The following HNRNPA2B1 variants were observed in gnomAD, a reference collection of about 807,000 sequenced individuals.
HNRNPA2B1 encodes the protein heterogeneous nuclear ribonucleoproteins A2/B1.
In HNRNPA2B1, 3 loss-of-function variants were observed where a neutral mutation model predicts 46.3. The observed-to-expected ratio is 0.06, with a 90% CI of 0.03 to 0.17. The LOEUF is 0.17. HNRNPA2B1 is among the 10% of genes least tolerant of loss of function. The probability of loss-of-function intolerance (pLI) is 1.00; values close to 1 mark genes in which losing one functional copy is unlikely to be tolerated. For synonymous variants in HNRNPA2B1, 225 were observed against 133.8 expected, an observed-to-expected ratio of 1.68 and a Z score of -4.70; for missense variants, 221 against 418.9, an observed-to-expected ratio of 0.53 and a Z score of 4.12.
intron 9 of HNRNPA2B1, 95 bp downstream of exon 9, chr7:26,193,156 G>GTA: frequency 7.9e-7 from 1 of 1,258,836 alleles, no homozygotes; most frequent in Non-Finnish European, 1.1e-6. Context: ...ACTGCCCACA[G>GTA]TACAAACTAC....
At position 26,200,717 on chromosome 7, in the gene HNRNPA2B1, C is replaced by A; in HGVS notation, c.-140G>T. The A allele has an allele frequency of 1.9e-6, 2 of 1,072,888 alleles. No homozygotes were observed. The highest frequency in any genetic ancestry group is 2.4e-5 in the East Asian group (1 of 42,348). The allele number at this position is 1,072,888 out of a possible 1,614,324, so 66.5% of individuals were successfully genotyped here. On this transcript the variant is annotated 5_prime_UTR_variant, in exon 1 of 11. In the 5' UTR this introduces an upstream ATG that the reference lacks. Coordinates refer to ENST00000618183, the MANE Select transcript of HNRNPA2B1 (RefSeq NM_002137.4). ...CGAGAAACAACTCTGCGAGGAGCAC[C>A]TCCGCACGGGACCCGGCGCTGCTGC...
At position 26,191,007 on chromosome 7, in the gene HNRNPA2B1, C is replaced by G. The variant is rs1471893049; in HGVS notation, c.*1353G>C. 1 of 152,588 alleles carries G rather than the reference C, an allele frequency of 6.6e-6. No homozygotes were observed. Among genetic ancestry groups the G allele is most frequent in the African/African-American group, 2.4e-5 (1 of 41,452 alleles). 9.5% of individuals were successfully genotyped at this position (152,588 alleles called of 1,614,324 possible). ...CTTTTACCTACCATTTTACTACCAA[C>G]ACCACTGAAGGAACCAAGAAAAGCT... On this transcript the variant is annotated 3_prime_UTR_variant, in exon 11 of 11. Transcript: ENST00000618183.
chr7:26,197,003 T>G lies in HNRNPA2B1; in HGVS notation c.279A>C (p.Pro93=). The part of the protein sequence containing the change: ...RAVAREESGK[P]GAHVTVKKLF... ...GCTTCTTCACAGTTACATGAGCCCC[T>G]GGTTTTCCAGATTCCTAAAATAGTG... The change falls in exon 4 of 11, where the codon CCA becomes CCC. Residue 93 remains proline, a synonymous_variant. Transcript: ENST00000618183. The G allele has an allele frequency of 6.2e-7, 1 of 1,612,278 alleles. No homozygotes were observed. Among genetic ancestry groups the G allele is most frequent in the Non-Finnish European group, 8.5e-7 (1 of 1,179,564 alleles).
intron 1 of HNRNPA2B1, chr7:26,198,748 G>C (rs1783981288): frequency 6.6e-6 from 1 of 152,228 alleles, no homozygotes; most frequent in African/African-American, 2.4e-5. Context: ...ACGAGAGAAA[G>C]TGATATCCAG....
chr7:26,195,286 T>A (rs896822959), intron 7 of HNRNPA2B1, among the ~76,000 whole-genome samples: 8 of 152,172 alleles, frequency 5.3e-5, no homozygotes, highest in African/African-American at 1.9e-4. Flanking sequence ...ACCAGCTCAG[T>A]TTTAAATGTC....
Position 26,198,150 on chromosome 7 carries a change from A to G in HNRNPA2B1, c.7-418T>C, listed in dbSNP as rs1356149450. 5 of 291,308 alleles carry G rather than the reference A, an allele frequency of 1.7e-5. No homozygotes were observed. In the East Asian group the frequency reaches 3.1e-4, roughly 18 times the overall value. 18.0% of individuals were successfully genotyped at this position (291,308 alleles called of 1,614,324 possible). On this transcript the variant is annotated intron_variant, in intron 1 of 10. Transcript: ENST00000618183. ...TAAAAACGCAAATTTCTATTTTTAA[A>G]CATCAGAAAATAACTCTTGGTTCAT...
rs113021382 is a variant in HNRNPA2B1 at position 26,190,580 on chromosome 7, G to A, written c.*1780C>T. Reference sequence around the variant, plus strand: ...CTCATTGGTGTATAGAGTAAGCCCTGAGTATCACATTCCTGTAAAGGCAAT... The same window carrying A: ...CTCATTGGTGTATAGAGTAAGCCCTAAGTATCACATTCCTGTAAAGGCAAT... On this transcript the variant is annotated 3_prime_UTR_variant, in exon 11 of 11. Coordinates refer to ENST00000618183, the MANE Select transcript of HNRNPA2B1 (RefSeq NM_002137.4). 6.6e-5 allele frequency: 10 copies of A among 152,314 alleles called. No homozygotes were observed. Among genetic ancestry groups the A allele is most frequent in the African/African-American group, 2.2e-4 (9 of 41,560 alleles). 9.4% of individuals were successfully genotyped at this position (152,314 alleles called of 1,614,324 possible).
At chr7:26,195,659 C>A in intron 7 of HNRNPA2B1, 188 bp downstream of exon 7, 1 of 564,694 alleles carries the variant, frequency 1.8e-6, no homozygotes, top group South Asian at 2.4e-5. Context: ...TTTAAAATGG[C>A]ACTCTATTCC....
intron 3 of HNRNPA2B1, 136 bp downstream of exon 3, chr7:26,197,179 A>G: frequency 1.6e-6 from 2 of 1,213,452 alleles, no homozygotes; most frequent in East Asian, 2.3e-5. Context: ...CTAGCTTAAG[A>G]AAATGGTCCA....
rs1205014328 is a variant in HNRNPA2B1 at position 26,191,281 on chromosome 7, CTCT to C, written c.*1076_*1078del. On this transcript the variant is annotated 3_prime_UTR_variant, in exon 11 of 11. Transcript: ENST00000618183. ...GAAAACAGGGTTTATAAAAATTATTCTCTTGAGTTTATAAATTGTTAAACTCAA... is the reference window on the plus strand; with the variant it reads ...GAAAACAGGGTTTATAAAAATTATTCTGAGTTTATAAATTGTTAAACTCAA... 2 of 152,050 alleles carry C rather than the reference CTCT, an allele frequency of 1.3e-5. No individual in the cohort carries two copies. The highest frequency in any genetic ancestry group is 6.6e-5 in the Admixed American group (1 of 15,264). 9.4% of individuals were successfully genotyped at this position (152,050 alleles called of 1,614,324 possible).
At chr7:26,193,805 A>G (rs1783179844) in intron 7 of HNRNPA2B1, 111 bp from the exon 8 acceptor site, 5 of 943,666 alleles carry the variant, frequency 5.3e-6, no homozygotes, top group African/African-American at 1.7e-5. Flanking sequence ...ATATTTAATG[A>G]AATTCCTCTA....
At position 26,190,230 on chromosome 7, in the gene HNRNPA2B1, G is replaced by A. The variant is rs1191623953; in HGVS notation, c.*2130C>T. 6.6e-6 allele frequency: 1 copy of A among 152,478 alleles called. No individual in the cohort carries two copies. The highest frequency in any genetic ancestry group is 1.5e-5 in the Non-Finnish European group (1 of 67,982). The allele number at this position is 152,478 out of a possible 1,614,324, so 9.4% of individuals were successfully genotyped here. ...AAAACATGATACATTTATCTCTCTA[G>A]CCAATTTGATGTTACTGTTTTACAA... On this transcript the variant is annotated 3_prime_UTR_variant, in exon 11 of 11. Transcript: ENST00000618183.
At chr7:26,199,251 A>T (rs1429380890) in intron 1 of HNRNPA2B1, 2 of 152,636 alleles carry the variant, frequency 1.3e-5, no homozygotes, top group African/African-American at 4.8e-5. Context: ...TATTTTATAA[A>T]CGTGCTTAGG....
In HNRNPA2B1 at chr7:26,197,283, G is replaced by A. The variant is rs771273555; in HGVS notation, c.264+32C>T. On this transcript the variant is annotated intron_variant, in intron 3 of 10. Coordinates refer to ENST00000618183, the MANE Select transcript of HNRNPA2B1 (RefSeq NM_002137.4). ...TTTTCAGCAGGGCAGCGTTCTTCAT[G>A]TTAATGCACAAGACAGTCATTGTTT... 9 of 1,569,614 alleles carry A rather than the reference G, an allele frequency of 5.7e-6. No individual in the cohort carries two copies. In the African/African-American group the frequency reaches 1.1e-4, roughly 19 times the overall value.
At chr7:26,197,484 T>G in intron 2 of HNRNPA2B1, 23 bp from the exon 3 acceptor site, 1 of 1,610,714 alleles carries the variant, frequency 6.2e-7, no homozygotes, top group Non-Finnish European at 8.5e-7. Context: ...AGGGTAAACT[T>G]TAGCATTTAA....
rs770137528 is a variant in HNRNPA2B1 at position 26,195,932 on chromosome 7, T to C, written c.659-23A>G. On this transcript the variant is annotated intron_variant, in intron 6 of 10. Transcript: ENST00000618183. ...CATCTGTTAGGGGCCAAAAAAAGAT[T>C]ACGTTTACTATAAACTGTTCAGCAT... 5.0e-6 allele frequency: 8 copies of C among 1,595,132 alleles called. No individual in the cohort carries two copies. The South Asian group carries it at 8.0e-5, about 16-fold the overall frequency.
rs991123373 is a variant in HNRNPA2B1, at chr7:26,190,550, G to A, written c.*1810C>T. On this transcript the variant is annotated 3_prime_UTR_variant, in exon 11 of 11. Coordinates refer to ENST00000618183, the MANE Select transcript of HNRNPA2B1 (RefSeq NM_002137.4). ...CTTCAGTGGTGGTCTTAGGATCAAAGAAGACTCATTGGTGTATAGAGTAAG... is the reference window on the plus strand; with the variant it reads ...CTTCAGTGGTGGTCTTAGGATCAAAAAAGACTCATTGGTGTATAGAGTAAG... 6.6e-6 allele frequency: 1 copy of A among 152,220 alleles called. No homozygotes were observed. Among genetic ancestry groups the A allele is most frequent in the Admixed American group, 6.5e-5 (1 of 15,282 alleles). The allele number at this position is 152,220 out of a possible 1,614,324, so 9.4% of individuals were successfully genotyped here. A position where few individuals can be genotyped will look rare whatever the true frequency, so the allele number is the denominator to read the frequency against.
chr7:26,195,754 A>G, intron 7 of HNRNPA2B1, 93 bp downstream of exon 7: 1 of 1,397,790 alleles, frequency 7.2e-7, no homozygotes, highest in Admixed American at 2.5e-5. Context: ...ACTAATATAA[A>G]ATGTTTAAAA....
In HNRNPA2B1 at chr7:26,192,513, A is replaced by G. The variant is rs902886039; in HGVS notation, c.*3T>C. ...TACTTACCCATGGCAAATAGGAAGA[A>G]GCTCAGTATCGGCTCCTCCCACCAT... On this transcript the variant is annotated 3_prime_UTR_variant, in exon 10 of 11. Coordinates refer to ENST00000618183, the MANE Select transcript of HNRNPA2B1 (RefSeq NM_002137.4). 1.2e-6 allele frequency: 2 copies of G among 1,612,174 alleles called. No individual in the cohort carries two copies. Among genetic ancestry groups the G allele is most frequent in the Non-Finnish European group, 1.7e-6 (2 of 1,178,194 alleles).
Sources: allele counts gnomAD v4.1 joint callset (sites outside exome capture counted in the v4.1 genomes callset), GRCh38; gene constraint gnomAD v4.1.1; transcripts MANE v1.5; gene names NCBI Gene and HGNC (gene_info 2026-07-23, HGNC 2026-07-21).